Variants in PEX2 observed in about 807,000 individuals in gnomAD.
PEX2 encodes the protein peroxisome biogenesis factor 2.
Under a neutral mutation model 25.2 loss-of-function variants are expected in PEX2, and 19 were observed. The observed-to-expected ratio is 0.75, with a 90% CI of 0.53 to 1.10. The LOEUF (loss-of-function observed/expected upper bound fraction) is 1.10, where lower values mean the gene tolerates loss of function less well. Among genes scored for constraint, PEX2 ranks in the 50% least tolerant of loss-of-function variants. The pLI is 0.00. For synonymous variants in PEX2, 141 were observed against 127.7 expected (o/e 1.10, Z -0.70); for missense variants, 347 against 350.6 (o/e 0.99, Z 0.08).
intron 1 of PEX2, 114 bp downstream of exon 1, chr8:76,999,876 A>G (rs1325239549): frequency 2.2e-6 from 1 of 456,400 alleles, no homozygotes; most frequent in Admixed American, 2.3e-5. Context: ...GGAAGCCAAT[A>G]AACAGGGAAA....
chr8:76,984,396 CCT>C (rs1806944849), intron 3 of PEX2, among the ~76,000 whole-genome samples: 1 of 152,150 alleles, frequency 6.6e-6, no homozygotes, highest in South Asian at 2.1e-4. Context: ...TCTTTCTCCC[CCT>C]GCCTTTTTTT....
At chr8:76,995,793 G>C (rs1012698157) in intron 1 of PEX2, among the ~76,000 whole-genome samples, 1 of 152,114 alleles carries the variant, frequency 6.6e-6, no homozygotes, top group African/African-American at 2.4e-5. Flanking sequence ...ATGTTGGAGC[G>C]AGTATTGGGG....
rs1806840478 is a variant in PEX2, at chr8:76,981,885, A to G, written c.*1376T>C. On this transcript the variant is annotated 3_prime_UTR_variant, in exon 4 of 4. Coordinates refer to ENST00000357039, the MANE Select transcript of PEX2 (RefSeq NM_000318.3). ...CTACAAAACTTCTTCAGTATCTTAC[A>G]CTAAATTGAACCTAAATTAAACTTA... is the stretch of plus-strand genomic sequence containing the variant. The G allele has an allele frequency of 6.6e-6, 1 of 152,230 alleles. No homozygotes were observed. Among genetic ancestry groups the G allele is most frequent in the African/African-American group, 2.4e-5 (1 of 41,460 alleles). The allele number at this position is 152,230 out of a possible 1,614,324, so 9.4% of individuals were successfully genotyped here.
At chr8:76,999,155 T>A (rs748849494) in intron 1 of PEX2, among the ~76,000 whole-genome samples, 3 of 152,144 alleles carry the variant, frequency 2.0e-5, no homozygotes, top group Non-Finnish European at 4.4e-5. Context: ...GGTAACACTT[T>A]AGGGGAAGGT....
intron 1 of PEX2, among the ~76,000 whole-genome samples, chr8:76,990,041 C>G (rs1004685174): frequency 2.0e-5 from 3 of 152,182 alleles, no homozygotes; most frequent in Non-Finnish European, 4.4e-5. Context: ...TCACCTTCAT[C>G]AATTATTTAG....
At chr8:76,988,459 T>C (rs1048395235) in intron 1 of PEX2, 121 bp from the exon 2 acceptor site, 14 of 152,246 alleles carry the variant, frequency 9.2e-5, no homozygotes, top group Non-Finnish European at 1.0e-4. Flanking sequence ...CACTGTGCCT[T>C]AAAAACAATG....
intron 1 of PEX2, among the ~76,000 whole-genome samples, chr8:76,988,995 C>T (rs944874143): frequency 6.1e-5 from 7 of 115,116 alleles, no homozygotes; most frequent in Non-Finnish European, 8.8e-5. Flanking sequence ...GAGACACTGT[C>T]TCTACAAAAA....
At chr8:76,995,035 T>C (rs959515534) in intron 1 of PEX2, among the ~76,000 whole-genome samples, 5 of 152,142 alleles carry the variant, frequency 3.3e-5, no homozygotes, top group Non-Finnish European at 7.4e-5. Context: ...GTTTCAAATA[T>C]GGGCAAAAGA....
chr8:76,996,058 A>G (rs1336291558), intron 1 of PEX2, among the ~76,000 whole-genome samples: 1 of 152,194 alleles, frequency 6.6e-6, no homozygotes, highest in Non-Finnish European at 1.5e-5. Flanking sequence ...GACATGAGGA[A>G]AATAGAGAAA....
chr8:76,981,861 T>C lies in PEX2; in HGVS notation c.*1400A>G, dbSNP rs1002618013. The C allele has an allele frequency of 1.4e-4, 21 of 152,216 alleles. No homozygotes were observed. The highest frequency in any genetic ancestry group is 2.5e-4 in the Non-Finnish European group (17 of 68,040). The allele number at this position is 152,216 out of a possible 1,614,324, so 9.4% of individuals were successfully genotyped here. A position where few individuals can be genotyped will look rare whatever the true frequency, so the allele number is the denominator to read the frequency against. ...GATGTAAAATACTCTTAACTCAAAC[T>C]ACAAAACTTCTTCAGTATCTTACAC... On this transcript the variant is annotated 3_prime_UTR_variant, in exon 4 of 4. Coordinates refer to ENST00000357039, the MANE Select transcript of PEX2 (RefSeq NM_000318.3).
chr8:76,995,534 ACAACT>A (rs548555486), intron 1 of PEX2, among the ~76,000 whole-genome samples: 113 of 152,244 alleles, frequency 7.4e-4, no homozygotes, highest in African/African-American at 2.6e-3. Context: ...GAAACTCAAC[ACAACT>A]CAAGATTATA....
At chr8:76,989,402 C>A (rs1807097956) in intron 1 of PEX2, among the ~76,000 whole-genome samples, 1 of 152,096 alleles carries the variant, frequency 6.6e-6, no homozygotes, top group Non-Finnish European at 1.5e-5. Flanking sequence ...ATATGTTGAC[C>A]TTCTCTCACG....
In PEX2 at chr8:76,981,196, T is replaced by G. The variant is rs1272904484; in HGVS notation, c.*2065A>C. ...ATTTTAAAAATATATTATGGCTGGG[T>G]GCAGTGGCTCATGCCTGTAATCCCA... On this transcript the variant is annotated 3_prime_UTR_variant, in exon 4 of 4. Transcript: ENST00000357039. The G allele has an allele frequency of 6.6e-6, 1 of 152,262 alleles. No homozygotes were observed. The highest frequency in any genetic ancestry group is 2.4e-5 in the African/African-American group (1 of 41,448). 9.4% of individuals were successfully genotyped at this position (152,262 alleles called of 1,614,324 possible).
chr8:77,000,033 G>C lies in PEX2; in HGVS notation c.-203C>G. The C allele has an allele frequency of 2.2e-6, 1 of 447,816 alleles. No homozygotes were observed. The highest frequency in any genetic ancestry group is 2.4e-5 in the Admixed American group (1 of 41,282). The allele number at this position is 447,816 out of a possible 1,614,324, so 27.7% of individuals were successfully genotyped here. A position where few individuals can be genotyped will look rare whatever the true frequency, so the allele number is the denominator to read the frequency against. Reference sequence around the variant, plus strand: ...GCCCACGCTCCACGTAACTTTCTCTGAAACATTCTCTGGAAAGCTTGTCTT... The same window carrying C: ...GCCCACGCTCCACGTAACTTTCTCTCAAACATTCTCTGGAAAGCTTGTCTT... On this transcript the variant is annotated 5_prime_UTR_variant, in exon 1 of 4. Transcript: ENST00000357039.
At chr8:77,000,199 G>C (rs886063145), upstream of PEX2, 1 of 282,552 alleles carries the variant, frequency 3.5e-6, no homozygotes, top group Non-Finnish European at 7.0e-6. Context: ...GAAGGCACTG[G>C]ATGGCCAAAC....
intron 1 of PEX2, chr8:76,999,724 T>C: frequency 2.5e-6 from 1 of 399,062 alleles, no homozygotes; most frequent in South Asian, 1.8e-5. Context: ...AGTTACTACG[T>C]GGAATGCAGA....
Position 76,983,409 on chromosome 8 carries a change from AT to A in PEX2, c.769del (p.Ile257Ter). ...ATAACAGAAAATATGCTCACATCCT[AT>A]GGTGTGAGGCATGGTGGGCCACTCT... ...CGEWPTMPHT[I>X]GCEHIFCYFC... On this transcript the variant is annotated frameshift_variant, in exon 4 of 4. Transcript: ENST00000357039. LOFTEE classifies it high-confidence loss of function. 1.2e-6 allele frequency: 2 copies of A among 1,614,144 alleles called. No homozygotes were observed. Among genetic ancestry groups the A allele is most frequent in the Non-Finnish European group, 1.7e-6 (2 of 1,180,026 alleles).
chr8:76,995,092 C>A (rs560418235), intron 1 of PEX2, among the ~76,000 whole-genome samples: 1 of 152,328 alleles, frequency 6.6e-6, no homozygotes, highest in South Asian at 2.1e-4. Flanking sequence ...ACCTCTGGCA[C>A]TGTGAACAGG....
chr8:76,989,442 C>T (rs1026862163), intron 1 of PEX2, among the ~76,000 whole-genome samples: 2 of 152,046 alleles, frequency 1.3e-5, no homozygotes, highest in Non-Finnish European at 1.5e-5. Context: ...CACAGAATGG[C>T]GAATCTTTTC....
Sources: gnomAD v4.1 joint callset for allele counts (sites outside exome capture counted in the v4.1 genomes callset) on GRCh38, gnomAD v4.1.1 for gene constraint, MANE v1.5 for transcripts, NCBI Gene and HGNC (gene_info 2026-07-23, HGNC 2026-07-21) for gene names.